The following CD200R1 variants were observed in gnomAD, a reference collection of about 807,000 sequenced individuals.
The protein encoded by CD200R1 is cell surface glycoprotein CD200 receptor 1.
In CD200R1, 30 loss-of-function variants were observed where a neutral mutation model predicts 38.1. The ratio of observed to expected loss-of-function variants is 0.79; its 90% CI spans 0.59 to 1.07. The LOEUF (loss-of-function observed/expected upper bound fraction) is 1.07, where lower values mean the gene tolerates loss of function less well. Among genes scored for constraint, CD200R1 ranks in the 50% least tolerant of loss-of-function variants. The pLI is 0.00. For missense variants in CD200R1, 372 were observed against 415.4 expected, an observed-to-expected ratio of 0.90 and a Z score of 0.91; for synonymous variants, 128 against 152.1, an observed-to-expected ratio of 0.84 and a Z score of 1.16.
chr3:112,948,048 A>G, intron 1 of CD200R1, 124 bp from the exon 2 acceptor site: 1 of 689,320 alleles, frequency 1.5e-6, no homozygotes, highest in Non-Finnish European at 2.6e-6. Context: ...GCCAATGAAT[A>G]TCTAAATTAT....
At chr3:112,939,962 T>A (rs1940687705) in intron 2 of CD200R1, among the ~76,000 whole-genome samples, 1 of 148,056 alleles carries the variant, frequency 6.8e-6, no homozygotes. Flanking sequence ...GGTACTGGCA[T>A]AAAAACCGAC....
At chr3:112,967,108 C>T (rs935773612) in intron 1 of CD200R1, among the ~76,000 whole-genome samples, 1 of 152,116 alleles carries the variant, frequency 6.6e-6, no homozygotes, top group Non-Finnish European at 1.5e-5. Flanking sequence ...CTTTCCCTAT[C>T]TTCACTGCCT....
At chr3:112,947,320 T>C (rs544524926) in intron 2 of CD200R1, among the ~76,000 whole-genome samples, 50 of 152,150 alleles carry the variant, frequency 3.3e-4, no homozygotes, top group Non-Finnish European at 6.2e-4. Flanking sequence ...GGTTCATTAA[T>C]TGAAACAAAT....
At chr3:112,957,783 A>G (rs1941135279) in intron 1 of CD200R1, among the ~76,000 whole-genome samples, 4 of 152,206 alleles carry the variant, frequency 2.6e-5, no homozygotes, top group Admixed American at 2.6e-4. Flanking sequence ...AACGGTTACA[A>G]TTCAATAACT....
intron 1 of CD200R1, among the ~76,000 whole-genome samples, chr3:112,971,417 A>G (rs1008907825): frequency 9.2e-5 from 14 of 152,124 alleles, no homozygotes; most frequent in Admixed American, 7.2e-4. Flanking sequence ...TATCTGTAGG[A>G]ATTTTCCTCC....
chr3:112,935,299 C>T (rs988722807), intron 2 of CD200R1, among the ~76,000 whole-genome samples: 3 of 152,106 alleles, frequency 2.0e-5, no homozygotes, highest in African/African-American at 2.4e-5. Flanking sequence ...TTATTTTCAC[C>T]AGCACATGGA....
chr3:112,966,867 C>T (rs144508170), intron 1 of CD200R1, among the ~76,000 whole-genome samples: 2,691 of 152,242 alleles, frequency 0.018, 28 homozygotes, highest in South Asian at 0.047. Context: ...GCCTCAATTT[C>T]CTTCCCACTC....
At position 112,971,164 on chromosome 3, in the gene CD200R1, A is replaced by C. The variant is rs541767119; in HGVS notation, c.67+3627T>G. ...TCAAATCCCTAATATAAAATGGTGTAGTATTTCATATAACCTATGTACAAT... is the reference window on the plus strand; with the variant it reads ...TCAAATCCCTAATATAAAATGGTGTCGTATTTCATATAACCTATGTACAAT... On this transcript the variant is annotated intron_variant, in intron 1 of 7. Transcript: ENST00000308611. 3.9e-5 allele frequency among the ~76,000 whole-genome samples: 6 copies of C among 152,320 alleles called. No homozygotes were observed. In the South Asian group the frequency reaches 1.2e-3, roughly 32 times the overall value.
chr3:112,956,337 C>T (rs544201011), intron 1 of CD200R1, among the ~76,000 whole-genome samples: 1 of 151,982 alleles, frequency 6.6e-6, no homozygotes, highest in Non-Finnish European at 1.5e-5. Context: ...TATTTTTCAG[C>T]ACTAGGATTT....
At chr3:112,953,540 T>C (rs1040169463) in intron 1 of CD200R1, among the ~76,000 whole-genome samples, 3 of 152,240 alleles carry the variant, frequency 2.0e-5, no homozygotes, top group Admixed American at 6.5e-5. Flanking sequence ...CTTCTTTACA[T>C]GCTTGGTAGA....
intron 1 of CD200R1, among the ~76,000 whole-genome samples, chr3:112,967,140 G>A (rs1046059569): frequency 1.3e-5 from 2 of 151,798 alleles, no homozygotes; most frequent in African/African-American, 4.8e-5. Flanking sequence ...TTTTCTACAA[G>A]CTATCTTTCT....
At chr3:112,932,044 C>T (rs1940454953) in intron 2 of CD200R1, among the ~76,000 whole-genome samples, 2 of 152,136 alleles carry the variant, frequency 1.3e-5, no homozygotes, top group South Asian at 4.1e-4. Flanking sequence ...TCCTCACAAG[C>T]CCTGAGCCCA....
At chr3:112,970,355 G>GA (rs1207373406) in intron 1 of CD200R1, among the ~76,000 whole-genome samples, 1 of 152,024 alleles carries the variant, frequency 6.6e-6, no homozygotes, top group African/African-American at 2.4e-5. Flanking sequence ...TTCCTGGGGG[G>GA]AAAAAGGGCT....
intron 1 of CD200R1, among the ~76,000 whole-genome samples, chr3:112,964,518 T>C (rs1933107818): frequency 6.6e-6 from 1 of 152,242 alleles, no homozygotes; most frequent in Non-Finnish European, 1.5e-5. Context: ...CTGCTGGATT[T>C]TGGACTTGCA....
At chr3:112,951,695 T>A (rs567815774) in intron 1 of CD200R1, among the ~76,000 whole-genome samples, 58 of 151,060 alleles carry the variant, frequency 3.8e-4, no homozygotes, top group African/African-American at 1.3e-3. Context: ...AGTAATAATA[T>A]AAAATACTAA....
chr3:112,953,625 C>G (rs1252910404), intron 1 of CD200R1, among the ~76,000 whole-genome samples: 1 of 152,118 alleles, frequency 6.6e-6, no homozygotes. Context: ...TCTCTTGACT[C>G]ATTACTGGGC....
intron 1 of CD200R1, among the ~76,000 whole-genome samples, chr3:112,963,423 G>A (rs1269641089): frequency 6.6e-6 from 1 of 152,214 alleles, no homozygotes; most frequent in Non-Finnish European, 1.5e-5. Flanking sequence ...TACGGACAAT[G>A]AAATCCAGGC....
chr3:112,956,099 C>T (rs2107334101), intron 1 of CD200R1, among the ~76,000 whole-genome samples: 1 of 152,094 alleles, frequency 6.6e-6, no homozygotes, highest in Non-Finnish European at 1.5e-5. Context: ...AGTAAGTCTT[C>T]TATCTATTTA....
intron 5 of CD200R1, among the ~76,000 whole-genome samples, chr3:112,926,398 G>T (rs1359731531): frequency 6.6e-6 from 1 of 152,130 alleles, no homozygotes; most frequent in African/African-American, 2.4e-5. Context: ...TAAATGTTTG[G>T]TTACATTGTT....
Sources: allele counts gnomAD v4.1 joint callset (sites outside exome capture counted in the v4.1 genomes callset), GRCh38; gene constraint gnomAD v4.1.1; transcripts MANE v1.5; gene names NCBI Gene and HGNC (gene_info 2026-07-23, HGNC 2026-07-21).